RLF: variants seen among roughly 807,000 people sequenced by gnomAD.
RLF encodes the protein RLF zinc finger.
Under a neutral mutation model 162.9 loss-of-function variants are expected in RLF, and 7 were observed. The ratio of observed to expected loss-of-function variants is 0.04; its 90% CI spans 0.02 to 0.08. The LOEUF (loss-of-function observed/expected upper bound fraction) is 0.08. Ranked by LOEUF, RLF falls within the 10% of genes least tolerant of loss-of-function variation. The pLI, the probability that RLF is intolerant of heterozygous loss-of-function variation, is 1.00. For synonymous variants in RLF, 782 were observed against 791.5 expected, an observed-to-expected ratio of 0.99 and a Z score of 0.20; for missense variants, 1,664 against 2,244.7, an observed-to-expected ratio of 0.74 and a Z score of 5.23.
chr1:40,212,707 G>T (rs2124548279), intron 5 of RLF, among the ~76,000 whole-genome samples: 1 of 152,268 alleles, frequency 6.6e-6, no homozygotes, highest in East Asian at 1.9e-4. Context: ...AGACACAATA[G>T]CAGATGGTTG....
intron 1 of RLF, among the ~76,000 whole-genome samples, chr1:40,178,563 A>G (rs936633211): frequency 6.7e-6 from 1 of 149,730 alleles, no homozygotes; most frequent in African/African-American, 2.5e-5. Context: ...GGTAAATTTT[A>G]TATGTATTTT....
chr1:40,179,623 G>C (rs987699424), intron 1 of RLF, among the ~76,000 whole-genome samples: 17 of 151,092 alleles, frequency 1.1e-4, no homozygotes, highest in African/African-American at 4.1e-4. Context: ...ATTTTTGAGA[G>C]TACAACTTAG....
At position 40,182,999 on chromosome 1, in the gene RLF, C is replaced by G. The variant is rs146096142; in HGVS notation, c.238-6056C>G. 4.8e-3 allele frequency among the ~76,000 whole-genome samples: 736 copies of G among 152,226 alleles called. 8 individuals carry two copies. The highest frequency in any genetic ancestry group is 0.017 in the African/African-American group (690 of 41,518). ...TCAGCTTAGTCTCTTGATGGCAAAC[C>G]TCCATCAAGAGGTGGTGCTTCCTCA... On this transcript the variant is annotated intron_variant, in intron 1 of 7. Transcript: ENST00000372771.
chr1:40,188,083 C>T (rs1642506009), intron 1 of RLF, among the ~76,000 whole-genome samples: 1 of 152,128 alleles, frequency 6.6e-6, no homozygotes, highest in Non-Finnish European at 1.5e-5. Flanking sequence ...GACTGTACTA[C>T]ATACTTCACG....
intron 1 of RLF, among the ~76,000 whole-genome samples, chr1:40,178,619 GTTTTTTTTTTTTGTTTTT>G (rs1642361130): frequency 1.2e-5 from 1 of 85,620 alleles, no homozygotes; most frequent in South Asian, 4.0e-4. Context: ...TGTCTTTGGT[GTTTTTTTTTTTTGTTTTT>G]TTTTTTTTTT....
At chr1:40,184,018 AG>A (rs1642440057) in intron 1 of RLF, among the ~76,000 whole-genome samples, 1 of 152,224 alleles carries the variant, frequency 6.6e-6, no homozygotes, top group African/African-American at 2.4e-5. Context: ...GATAGTTTCA[AG>A]GAATAGTCAG....
At chr1:40,212,870 A>G (rs1263283514) in intron 5 of RLF, among the ~76,000 whole-genome samples, 1 of 152,204 alleles carries the variant, frequency 6.6e-6, no homozygotes, top group South Asian at 2.1e-4. Flanking sequence ...GGAGTAGAAG[A>G]AAAAGTAAAC....
intron 4 of RLF, among the ~76,000 whole-genome samples, chr1:40,200,909 C>G (rs1244744411): frequency 1.6e-5 from 2 of 128,502 alleles, no homozygotes; most frequent in African/African-American, 3.7e-5. Context: ...CACACACACA[C>G]ACACACACAC....
chr1:40,198,561 G>T (rs1275661758), intron 4 of RLF, among the ~76,000 whole-genome samples: 13 of 152,082 alleles, frequency 8.5e-5, no homozygotes, highest in Admixed American at 8.5e-4. Context: ...TCAGCCTCCC[G>T]AAGTGCTGGG....
chr1:40,178,760 G>A (rs1199618262), intron 1 of RLF, among the ~76,000 whole-genome samples: 1 of 150,744 alleles, frequency 6.6e-6, no homozygotes, highest in Non-Finnish European at 1.5e-5. Context: ...CTGAGCTCAA[G>A]CAGTCCTCCC....
chr1:40,225,966 C>T (rs539721565), intron 6 of RLF, among the ~76,000 whole-genome samples: 5 of 148,578 alleles, frequency 3.4e-5, no homozygotes, highest in South Asian at 2.1e-4. Context: ...GCAGGAGAAT[C>T]GCTTGAGCCT....
Position 40,239,679 on chromosome 1 carries a change from A to G in RLF, c.4977A>G (p.Ser1659=). The G allele has an allele frequency of 6.2e-7, 1 of 1,614,220 alleles. No individual in the cohort carries two copies. Among genetic ancestry groups the G allele is most frequent in the Non-Finnish European group, 8.5e-7 (1 of 1,180,040 alleles). The change falls in exon 8 of 8, where the codon TCA becomes TCG. Residue 1659 remains serine (S), a synonymous_variant. Coordinates refer to ENST00000372771, the MANE Select transcript of RLF (RefSeq NM_012421.4). The part of the protein sequence containing the change: ...GGQKGCIESS[S]VFDADTLLYR... ...AGAAAGGGTGCATAGAAAGCAGCTC[A>G]GTATTTGATGCAGATACTCTGCTCT...
intron 1 of RLF, among the ~76,000 whole-genome samples, chr1:40,188,845 G>A (rs1292379193): frequency 6.6e-6 from 1 of 152,140 alleles, no homozygotes; most frequent in African/African-American, 2.4e-5. Flanking sequence ...GACATCAAAA[G>A]AGTAGTTCTG....
intron 5 of RLF, among the ~76,000 whole-genome samples, chr1:40,218,568 G>A (rs1009841662): frequency 2.6e-5 from 4 of 151,982 alleles, no homozygotes; most frequent in African/African-American, 4.8e-5. Context: ...TTACTCTCAC[G>A]TTAATTAGTT....
chr1:40,240,419 C>G lies in RLF; in HGVS notation c.5717C>G (p.Thr1906Arg), dbSNP rs1228443458. The G allele has an allele frequency of 6.2e-7, 1 of 1,613,764 alleles. No individual in the cohort carries two copies. The highest frequency in any genetic ancestry group is 1.7e-5 in the Admixed American group (1 of 59,964). ...PILDLFPTKKTDELCVGSS is the reference protein window; with the variant it reads ...PILDLFPTKKRDELCVGSS ...TTAGACTTATTTCCAACAAAAAAGA[C>G]AGATGAGCTTTGTGTAGGAAGTTCA... The change falls in exon 8 of 8, where the codon ACA (threonine) becomes AGA (arginine). Residue 1906 changes from threonine (T) to arginine (R), a missense_variant. Physicochemically the swap from Thr to Arg is moderately conservative, Grantham distance 71. Coordinates refer to ENST00000372771, the MANE Select transcript of RLF (RefSeq NM_012421.4).
chr1:40,185,410 G>A (rs956294024), intron 1 of RLF, among the ~76,000 whole-genome samples: 4 of 145,778 alleles, frequency 2.7e-5, no homozygotes, highest in African/African-American at 1.0e-4. Flanking sequence ...GATTACAGGC[G>A]TGAGCCACCT....
Position 40,238,950 on chromosome 1 carries a change from T to C in RLF, c.4248T>C (p.Ala1416=), listed in dbSNP as rs778686966. The change falls in exon 8 of 8, where the codon GCT becomes GCC. Residue 1416 remains alanine, a synonymous_variant. Transcript: ENST00000372771. The surrounding 1 kb of genome is among the most constrained non-coding windows in gnomAD (Gnocchi z 5.2). ...CTTGTAACCAGCCTCAGTGCCCTGCTGTTTTTTATACATTCAACAAGTTGA... is the reference window on the plus strand; with the variant it reads ...CTTGTAACCAGCCTCAGTGCCCTGCCGTTTTTTATACATTCAACAAGTTGA... ...RFSCNQPQCP[A]VFYTFNKLKH... The C allele has an allele frequency of 1.9e-6, 3 of 1,614,232 alleles. No homozygotes were observed. The highest frequency in any genetic ancestry group is 2.5e-6 in the Non-Finnish European group (3 of 1,180,034).
Position 40,222,690 on chromosome 1 carries a change from T to G in RLF, c.927T>G (p.Thr309=). The change falls in exon 6 of 8, where the codon ACT becomes ACG. Residue 309 remains threonine (T), a synonymous_variant. Coordinates refer to ENST00000372771, the MANE Select transcript of RLF (RefSeq NM_012421.4). ...CTTYLTQQLQ[T]ASVYCSWELT... Reference sequence around the variant, plus strand: ...CTTACCTTACCCAGCAGCTCCAAACTGCAAGTGTATATTGTTCTTGGTAAG... The same window carrying G: ...CTTACCTTACCCAGCAGCTCCAAACGGCAAGTGTATATTGTTCTTGGTAAG... 6.2e-7 allele frequency: 1 copy of G among 1,613,248 alleles called. No individual in the cohort carries two copies. Among genetic ancestry groups the G allele is most frequent in the Non-Finnish European group, 8.5e-7 (1 of 1,179,746 alleles).
Position 40,222,576 on chromosome 1 carries a change from T to G in RLF, c.813T>G (p.Ile271Met), listed in dbSNP as rs1643013824. Residue 271 changes from isoleucine to methionine, a missense_variant and splice_region_variant, in exon 6 of 8, where the codon ATT (isoleucine) becomes ATG (methionine). By Grantham distance (10) the Ile-to-Met change is conservative. Coordinates refer to ENST00000372771, the MANE Select transcript of RLF (RefSeq NM_012421.4). ...CTTAGTCATCTCATTTTTGATAGAT[T>G]GCAAAGGTCGACTGCAAGGAAGTAC... ...MLPNEDAIKE[I>M]AKVDCKEVLD... The G allele has an allele frequency of 6.2e-7, 1 of 1,612,554 alleles. No individual in the cohort carries two copies. The highest frequency in any genetic ancestry group is 8.5e-7 in the Non-Finnish European group (1 of 1,179,504).
Sources: allele counts gnomAD v4.1 joint callset (sites outside exome capture counted in the v4.1 genomes callset), GRCh38; gene constraint gnomAD v4.1.1; non-coding constraint Gnocchi (gnomAD v3.1); transcripts MANE v1.5; gene names NCBI Gene and HGNC (gene_info 2026-07-23, HGNC 2026-07-21).